The following GTF2H1 variants were observed in gnomAD, a reference collection of about 807,000 sequenced individuals.
GTF2H1 encodes BTF2 p62.
GTF2H1 carries 16 observed loss-of-function variants against 71.2 expected under a neutral mutation model. The observed-to-expected ratio is 0.22, with a 90% CI of 0.15 to 0.34. The LOEUF is 0.34. Ranked by LOEUF, GTF2H1 falls within the 10% of genes least tolerant of loss-of-function variation. GTF2H1 has a pLI of 1.00. For synonymous variants in GTF2H1, 215 were observed against 219.0 expected (o/e 0.98, Z 0.16); for missense variants, 498 against 648.2 (o/e 0.77, Z 2.52).
At chr11:18,361,337 T>A (rs1387980911) in intron 14 of GTF2H1, among the ~76,000 whole-genome samples, 1 of 152,142 alleles carries the variant, frequency 6.6e-6, no homozygotes, top group Non-Finnish European at 1.5e-5. Context: ...AACCAAAGCA[T>A]TTGTGATAAC....
intron 3 of GTF2H1, 91 bp from the exon 4 acceptor site, chr11:18,338,018 A>G (rs1343041891): frequency 1.3e-6 from 1 of 775,686 alleles, no homozygotes; most frequent in African/African-American, 1.7e-5. Context: ...GTGTGTTTCA[A>G]TGTTTTGTGT....
chr11:18,333,014 T>C (rs1481006889), intron 1 of GTF2H1, 46 bp from the exon 2 acceptor site: 7 of 1,361,124 alleles, frequency 5.1e-6, no homozygotes, highest in Non-Finnish European at 7.0e-6. Context: ...CAACCCTAAT[T>C]GATGTGTGGA....
rs1037272632 is a variant in GTF2H1 at position 18,366,104 on chromosome 11, A to AAT, written c.*247_*248dup. ...ACAGAACCAAATGAGCTAAGTTGCAAATATATATATATACACACACACACA... is the reference window on the plus strand; with the variant it reads ...ACAGAACCAAATGAGCTAAGTTGCAAATATATATATATATACACACACACACA... On this transcript the variant is annotated 3_prime_UTR_variant, in exon 15 of 15. Transcript: ENST00000265963. 3.8e-4 allele frequency: 203 copies of AAT among 533,954 alleles called. No homozygotes were observed. Among genetic ancestry groups the AAT allele is most frequent in the South Asian group, 7.0e-4 (28 of 40,180 alleles). The allele number at this position is 533,954 out of a possible 1,614,324, so 33.1% of individuals were successfully genotyped here.
intron 1 of GTF2H1, among the ~76,000 whole-genome samples, chr11:18,332,301 TC>T (rs2133956828): frequency 6.6e-6 from 1 of 152,298 alleles, no homozygotes; most frequent in East Asian, 1.9e-4. Context: ...ACTTTCCCCA[TC>T]CTGGCCCATG....
rs1332998967 is a variant in GTF2H1 at position 18,352,390 on chromosome 11, A to T, written c.1204A>T (p.Asn402Tyr). Residue 402 changes from asparagine (N) to tyrosine (Y), a missense_variant, in exon 11 of 15, where the codon AAT (asparagine) becomes TAT (tyrosine). Asn to Tyr is a moderately radical substitution (Grantham distance 143). Coordinates refer to ENST00000265963, the MANE Select transcript of GTF2H1 (RefSeq NM_005316.4). ...LQYATSQDII[N>Y]SFQSIRQEME... is the part of the protein sequence containing the mutation. ...GTATGCAACAAGTCAGGACATTATT[A>T]ATTCTTTTCAAAGTATTAGACAAGA... The T allele has an allele frequency of 2.5e-6, 4 of 1,588,226 alleles. No homozygotes were observed. The highest frequency in any genetic ancestry group is 4.5e-5 in the East Asian group (2 of 44,660).
Position 18,366,227 on chromosome 11 carries a change from T to G in GTF2H1, c.*358T>G, listed in dbSNP as rs1865820426. On this transcript the variant is annotated 3_prime_UTR_variant, in exon 15 of 15. Transcript: ENST00000265963. ...TTCACATTAAGCTGCTTTCAGAAAT[T>G]AAAAAAACACTTTTTAAAGGGTGCA... is the stretch of plus-strand genomic sequence containing the variant. 5.2e-6 allele frequency: 1 copy of G among 191,746 alleles called. No individual in the cohort carries two copies. Among genetic ancestry groups the G allele is most frequent in the African/African-American group, 2.3e-5 (1 of 43,020 alleles). 11.9% of individuals were successfully genotyped at this position (191,746 alleles called of 1,614,324 possible). A position where few individuals can be genotyped will look rare whatever the true frequency, so the allele number is the denominator to read the frequency against.
intron 1 of GTF2H1, among the ~76,000 whole-genome samples, chr11:18,328,138 G>A (rs1864807982): frequency 6.6e-6 from 1 of 150,630 alleles, no homozygotes; most frequent in African/African-American, 2.4e-5. Flanking sequence ...GGGAGGCGGA[G>A]GTTGCAGTAA....
chr11:18,360,516 TCTA>T, intron 13 of GTF2H1, 96 bp from the exon 14 acceptor site: 2 of 588,036 alleles, frequency 3.4e-6, no homozygotes, highest in East Asian at 3.1e-5. Flanking sequence ...TTAAAAAAAT[TCTA>T]CAAGAAAAGT....
At chr11:18,334,061 G>A (rs1429612302) in intron 2 of GTF2H1, among the ~76,000 whole-genome samples, 4 of 152,166 alleles carry the variant, frequency 2.6e-5, no homozygotes, top group African/African-American at 9.7e-5. Context: ...GCTCAACATG[G>A]TGGAACCCCA....
Position 18,357,960 on chromosome 11 carries a change from A to T in GTF2H1, c.1269A>T (p.Ser423=). Reference sequence around the variant, plus strand: ...ATCTTCATTTTTTTCAGGTTCTCTCAAGTAGTGCTGCCAGTAGTACCATCA... The same window carrying T: ...ATCTTCATTTTTTTCAGGTTCTCTCTAGTAGTGCTGCCAGTAGTACCATCA... ...AYTPKLTQVL[S]SSAASSTITA... The change falls in exon 12 of 15, where the codon TCA becomes TCT. Residue 423 remains serine (S), a synonymous_variant. Transcript: ENST00000265963. 1 of 1,606,352 alleles carries T rather than the reference A, an allele frequency of 6.2e-7. No individual in the cohort carries two copies. The highest frequency in any genetic ancestry group is 8.5e-7 in the Non-Finnish European group (1 of 1,173,128).
intron 7 of GTF2H1, among the ~76,000 whole-genome samples, chr11:18,343,130 C>T (rs528134774): frequency 2.6e-4 from 40 of 152,264 alleles, no homozygotes; most frequent in Non-Finnish European, 4.4e-4. Context: ...TCATGTTGGC[C>T]GGGCTGATCT....
intron 14 of GTF2H1, 89 bp from the exon 15 acceptor site, chr11:18,365,694 A>G: frequency 1.2e-6 from 1 of 836,558 alleles, no homozygotes. Flanking sequence ...CTCCGAAACT[A>G]CACTCTGAAG....
chr11:18,351,150 G>A (rs1865411367), intron 9 of GTF2H1, among the ~76,000 whole-genome samples: 1 of 152,128 alleles, frequency 6.6e-6, no homozygotes, highest in Admixed American at 6.6e-5. Flanking sequence ...GCCGGAAGCT[G>A]AGCATGGTAG....
intron 7 of GTF2H1, among the ~76,000 whole-genome samples, chr11:18,345,179 A>ATCTC (rs1865260562): frequency 6.6e-6 from 1 of 152,052 alleles, no homozygotes; most frequent in African/African-American, 2.4e-5. Flanking sequence ...CAACAGAGCG[A>ATCTC]GAACCTGTCT....
At chr11:18,323,019 C>G (rs1175674137) in intron 1 of GTF2H1, among the ~76,000 whole-genome samples, 1 of 152,188 alleles carries the variant, frequency 6.6e-6, no homozygotes, top group Admixed American at 6.5e-5. Flanking sequence ...GTGGAGGCCT[C>G]TCCCAGACAG....
chr11:18,362,618 T>TCTCTCTCTCTCTCCCTCTCTCC, intron 14 of GTF2H1, among the ~76,000 whole-genome samples: 1 of 151,098 alleles, frequency 6.6e-6, no homozygotes, highest in Non-Finnish European at 1.5e-5. Context: ...TCTCTCTCTT[T>TCTCTCTCTCTCTCCCTCTCTCC]CTCTCTCTCT....
intron 14 of GTF2H1, among the ~76,000 whole-genome samples, chr11:18,361,907 G>A (rs1434646129): frequency 6.6e-6 from 1 of 152,180 alleles, no homozygotes; most frequent in African/African-American, 2.4e-5. Context: ...AGCATTTTTA[G>A]CATTGTATTT....
rs2133963742 is a variant in GTF2H1 at position 18,338,090 on chromosome 11, A to G, written c.348-19A>G. ...TTATTCTAGAAGTTCAGTTATATTC[A>G]GTATATTCTGCTTTACAGAATGCTG... On this transcript the variant is annotated intron_variant, in intron 3 of 14. Coordinates refer to ENST00000265963, the MANE Select transcript of GTF2H1 (RefSeq NM_005316.4). The G allele has an allele frequency of 6.4e-7, 1 of 1,567,924 alleles. No individual in the cohort carries two copies. The highest frequency in any genetic ancestry group is 8.8e-7 in the Non-Finnish European group (1 of 1,139,596).
rs148236746 is a variant in GTF2H1, at chr11:18,323,570, A to C, written c.-16+830A>C. Among the ~76,000 whole-genome samples the C allele has an allele frequency of 7.5e-3, 1,146 of 152,320 alleles. 33 individuals are homozygous for C. The South Asian group carries it at 0.084, about 11-fold the overall frequency. Reference sequence around the variant, plus strand: ...CCAGTCTTAAAAACAAAAACAAAAAAAAAACTGAGTGGTTTGAATGAAATG... The same window carrying C: ...CCAGTCTTAAAAACAAAAACAAAAACAAAACTGAGTGGTTTGAATGAAATG... On this transcript the variant is annotated intron_variant, in intron 1 of 14. Coordinates refer to ENST00000265963, the MANE Select transcript of GTF2H1 (RefSeq NM_005316.4).
Sources: gnomAD v4.1 joint callset for allele counts (sites outside exome capture counted in the v4.1 genomes callset) on GRCh38, gnomAD v4.1.1 for gene constraint, MANE v1.5 for transcripts, NCBI Gene and HGNC (gene_info 2026-07-23, HGNC 2026-07-21) for gene names.